The following ARID4A variants were observed in gnomAD, a reference collection of about 807,000 sequenced individuals.
The protein encoded by ARID4A is AT-rich interaction domain 4A.
In ARID4A, 39 loss-of-function variants were observed where a neutral mutation model predicts 148.6. The ratio of observed to expected loss-of-function variants is 0.26; its 90% CI spans 0.20 to 0.34. The LOEUF (loss-of-function observed/expected upper bound fraction) is 0.34, where lower values mean the gene tolerates loss of function less well. Ranked by LOEUF, ARID4A falls within the 10% of genes least tolerant of loss-of-function variation. ARID4A has a pLI of 1.00. For missense variants in ARID4A, 1,265 were observed against 1,449.1 expected (o/e 0.87, Z 2.06); for synonymous variants, 475 against 481.2 (o/e 0.99, Z 0.17).
At position 58,364,174 on chromosome 14, in the gene ARID4A, T is replaced by C; in HGVS notation, c.2085T>C (p.Ser695=). ...TAATAATATTTCCTCTTACAGACTCTTGTTCATCTGATAGTGAAACAGAAG... is the reference window on the plus strand; with the variant it reads ...TAATAATATTTCCTCTTACAGACTCCTGTTCATCTGATAGTGAAACAGAAG... ...KTANSEGKSD[S]CSSDSETEDA... The change falls in exon 20 of 24, where the codon TCT becomes TCC. Residue 695 remains serine (S), a synonymous_variant. Coordinates refer to ENST00000355431, the MANE Select transcript of ARID4A (RefSeq NM_002892.4). 1 of 1,374,630 alleles carries C rather than the reference T, an allele frequency of 7.3e-7. No homozygotes were observed. Among genetic ancestry groups the C allele is most frequent in the Non-Finnish European group, 9.7e-7 (1 of 1,036,056 alleles). 85.2% of individuals were successfully genotyped at this position (1,374,630 alleles called of 1,614,324 possible). A position where few individuals can be genotyped will look rare whatever the true frequency, so the allele number is the denominator to read the frequency against.
In ARID4A at chr14:58,323,505, A is replaced by G. The variant is rs1426023245; in HGVS notation, c.470A>G (p.Glu157Gly). ...SLPVTEDEKE[E>G]ESSEEEDEDK... ...TTTAGTACTGAAGATGAAAAGGAAG[A>G]AGAAAGCAGTGAAGAGGAAGATGAA... The change falls in exon 8 of 24, where the codon GAA becomes GGA. Residue 157 changes from glutamate (E) to glycine (G), a missense_variant. Physicochemically the swap from Glu to Gly is moderately conservative, Grantham distance 98. Around this residue, in one of 9 missense-constraint regions of ARID4A, gnomAD observed 249 missense variants for 277.2 expected, o/e 0.90. Coordinates refer to ENST00000355431, the MANE Select transcript of ARID4A (RefSeq NM_002892.4). The G allele has an allele frequency of 6.2e-7, 1 of 1,613,254 alleles. No homozygotes were observed. The highest frequency in any genetic ancestry group is 8.5e-7 in the Non-Finnish European group (1 of 1,179,200).
rs2035303935 is a variant in ARID4A, at chr14:58,365,247, T to A, written c.3158T>A (p.Val1053Asp). 1 of 1,614,072 alleles carries A rather than the reference T, an allele frequency of 6.2e-7. No homozygotes were observed. ...RESANGFETN[V>D]ASGTCSIIVQ... ...TCGGCAAATGGATTTGAAACTAATGTTGCCTCTGGTACCTGTAGTATAATT... is the reference window on the plus strand; with the variant it reads ...TCGGCAAATGGATTTGAAACTAATGATGCCTCTGGTACCTGTAGTATAATT... Residue 1053 changes from valine to aspartate, a missense_variant, in exon 20 of 24, where the codon GTT (valine) becomes GAT (aspartate). Physicochemically the swap from Val to Asp is radical, Grantham distance 152 (BLOSUM62 -3). Coordinates refer to ENST00000355431, the MANE Select transcript of ARID4A (RefSeq NM_002892.4).
chr14:58,360,121 A>T (rs1223908380), intron 18 of ARID4A, among the ~76,000 whole-genome samples: 1 of 152,182 alleles, frequency 6.6e-6, no homozygotes, highest in Non-Finnish European at 1.5e-5. Flanking sequence ...TTCTCTTTAT[A>T]ACCCAGGAGC....
rs758152892 is a variant in ARID4A, at chr14:58,364,275, A to C, written c.2186A>C (p.Asp729Ala). 2 of 1,549,224 alleles carry C rather than the reference A, an allele frequency of 1.3e-6. No homozygotes were observed. Among genetic ancestry groups the C allele is most frequent in the South Asian group, 2.5e-5 (2 of 78,862 alleles). The change falls in exon 20 of 24, where the codon GAT becomes GCT. Residue 729 changes from aspartate to alanine, a missense_variant. Transcript: ENST00000355431. ...DELEKNENLN[D>A]DKLDEENPKI... ...CTAGAAAAAAATGAAAATTTGAATG[A>C]TGATAAGCTAGATGAAGAAAATCCA...
intron 7 of ARID4A, among the ~76,000 whole-genome samples, chr14:58,322,781 G>A (rs1377139150): frequency 2.6e-5 from 4 of 151,608 alleles, no homozygotes; most frequent in Admixed American, 6.6e-5. Flanking sequence ...GGCCAACATG[G>A]TGAAAACCTG....
intron 3 of ARID4A, among the ~76,000 whole-genome samples, chr14:58,302,527 G>A (rs1218306769): frequency 6.6e-6 from 1 of 150,936 alleles, no homozygotes; most frequent in Non-Finnish European, 1.5e-5. Context: ...GCATGGTGGT[G>A]CACACCTGTA....
At chr14:58,299,568 G>A (rs1001191018) in intron 1 of ARID4A, 2 of 539,854 alleles carry the variant, frequency 3.7e-6, no homozygotes, top group East Asian at 3.1e-5. Context: ...CGAGGCGGGG[G>A]CGCGGTGGGC....
chr14:58,372,978 CT>C lies in ARID4A; in HGVS notation c.*994del, dbSNP rs2035671898. On this transcript the variant is annotated 3_prime_UTR_variant, in exon 24 of 24. Transcript: ENST00000355431. The stretch of plus-strand genomic sequence containing the variant: ...TGGATGACAATAGCTCTCAGCTGTC[CT>C]TTTTACAGGAGGTTGCATCCTGCAG... The C allele has an allele frequency of 5.2e-6, 1 of 191,734 alleles. No individual in the cohort carries two copies. The highest frequency in any genetic ancestry group is 1.1e-5 in the Non-Finnish European group (1 of 91,680). 11.9% of individuals were successfully genotyped at this position (191,734 alleles called of 1,614,324 possible).
chr14:58,306,815 G>A (rs991665108), intron 5 of ARID4A, among the ~76,000 whole-genome samples: 3 of 152,142 alleles, frequency 2.0e-5, no homozygotes, highest in Admixed American at 6.5e-5. Context: ...GGAGGCGGAG[G>A]TTGCAATGAG....
At chr14:58,302,135 A>G (rs570767895) in intron 3 of ARID4A, among the ~76,000 whole-genome samples, 3 of 152,264 alleles carry the variant, frequency 2.0e-5, no homozygotes, top group Admixed American at 1.3e-4. Flanking sequence ...AAGTGGGCAG[A>G]TCACTTGAGG....
At chr14:58,299,933 G>A in intron 2 of ARID4A, 73 bp downstream of exon 2, 1 of 1,601,370 alleles carries the variant, frequency 6.2e-7, no homozygotes, top group South Asian at 1.1e-5. Context: ...GCCGTGGAAT[G>A]TCATTTGTTT....
At chr14:58,336,519 C>G (rs1758841292) in intron 11 of ARID4A, among the ~76,000 whole-genome samples, 1 of 151,618 alleles carries the variant, frequency 6.6e-6, no homozygotes, top group East Asian at 1.9e-4. Context: ...TTTAAGCTTT[C>G]TTTTTAAATT....
At chr14:58,334,446 T>C (rs986001736) in intron 11 of ARID4A, among the ~76,000 whole-genome samples, 17 of 152,174 alleles carry the variant, frequency 1.1e-4, no homozygotes, top group African/African-American at 4.1e-4. Context: ...ATGTGAGCCC[T>C]GAAATTTTCT....
chr14:58,303,203 C>T (rs1185377043), intron 3 of ARID4A, among the ~76,000 whole-genome samples: 1 of 152,140 alleles, frequency 6.6e-6, no homozygotes, highest in Non-Finnish European at 1.5e-5. Flanking sequence ...TCATGGGCTA[C>T]ATAGTCATGT....
rs563232561 is a variant in ARID4A, at chr14:58,303,151, TA to T, written c.117+1467del. 3.7e-4 allele frequency among the ~76,000 whole-genome samples: 56 copies of T among 152,282 alleles called. No homozygotes were observed. In the East Asian group the frequency reaches 0.01, roughly 28 times the overall value. On this transcript the variant is annotated intron_variant, in intron 3 of 23. Transcript: ENST00000355431. ...ATCATATAGTTAATGAAGTCCTCCT[TA>T]AAAAATTTTATTTAAGTTGATGAAT...
intron 11 of ARID4A, among the ~76,000 whole-genome samples, chr14:58,334,258 G>T (rs2033685386): frequency 6.6e-6 from 1 of 152,130 alleles, no homozygotes; most frequent in South Asian, 2.1e-4. Flanking sequence ...TCTTGGATTT[G>T]ATAGCATTTA....
At chr14:58,326,766 A>G (rs1350799261) in intron 8 of ARID4A, among the ~76,000 whole-genome samples, 3 of 152,124 alleles carry the variant, frequency 2.0e-5, no homozygotes, top group Admixed American at 6.6e-5. Context: ...GGTTATGCCT[A>G]CTCATCCTTT....
chr14:58,364,550 C>A lies in ARID4A; in HGVS notation c.2461C>A (p.Pro821Thr), dbSNP rs759272759. 1 of 1,610,890 alleles carries A rather than the reference C, an allele frequency of 6.2e-7. No individual in the cohort carries two copies. The highest frequency in any genetic ancestry group is 2.2e-5 in the East Asian group (1 of 44,830). ...SFGQNEAGSE[P>T]HIEAHSLELS... ...TGGCCAGAATGAAGCAGGAAGTGAA[C>A]CTCATATAGAAGCTCATAGTCTTGA... The change falls in exon 20 of 24, where the codon CCT (proline) becomes ACT (threonine). Residue 821 changes from proline to threonine, a missense_variant. Transcript: ENST00000355431.
chr14:58,369,613 T>TC (rs2035515541), intron 23 of ARID4A, among the ~76,000 whole-genome samples: 1 of 25,442 alleles, frequency 3.9e-5, no homozygotes, highest in Admixed American at 4.6e-4. Flanking sequence ...AGAGTCTGTC[T>TC]CAAAAAAAAA....
Sources: allele counts gnomAD v4.1 joint callset (sites outside exome capture counted in the v4.1 genomes callset), GRCh38; gene constraint gnomAD v4.1.1; regional missense constraint gnomAD v4.1.1; transcripts MANE v1.5; gene names NCBI Gene and HGNC (gene_info 2026-07-23, HGNC 2026-07-21).